Variants in COPG1 observed in about 807,000 individuals in gnomAD.
COPG1 encodes the protein coatomer subunit gamma-1.
Under a neutral mutation model 102.8 loss-of-function variants are expected in COPG1, and 29 were observed. The ratio of observed to expected loss-of-function variants is 0.28; its 90% CI spans 0.21 to 0.38. The LOEUF is 0.38. Ranked by LOEUF, COPG1 falls within the 10% of genes least tolerant of loss-of-function variation. COPG1 has a pLI of 1.00. For synonymous variants in COPG1, 406 were observed against 421.6 expected, an observed-to-expected ratio of 0.96 and a Z score of 0.45; for missense variants, 875 against 1,132.7, an observed-to-expected ratio of 0.77 and a Z score of 3.27.
Position 129,275,404 on chromosome 3 carries a change from T to A in COPG1, c.2494+112T>A. The A allele has an allele frequency of 1.3e-6, 1 of 745,982 alleles. No individual in the cohort carries two copies. Among genetic ancestry groups the A allele is most frequent in the Non-Finnish European group, 2.2e-6 (1 of 447,516 alleles). 46.2% of individuals were successfully genotyped at this position (745,982 alleles called of 1,614,324 possible). On this transcript the variant is annotated intron_variant, in intron 23 of 23. Transcript: ENST00000314797. The surrounding 1 kb of genome is among the most constrained non-coding windows in gnomAD (Gnocchi z 5.0). The stretch of plus-strand genomic sequence containing the variant: ...ATGGGGAGTCAAAATTCACAGCATT[T>A]AAAATTCACAAAGTATAAAATAATC...
chr3:129,276,594 C>A (rs2107680571), intron 23 of COPG1, among the ~76,000 whole-genome samples: 1 of 152,300 alleles, frequency 6.6e-6, no homozygotes, highest in African/African-American at 2.4e-5. Context: ...TTGAAACAAC[C>A]TAGTCCCCTG....
intron 19 of COPG1, 50 bp from the exon 20 acceptor site, chr3:129,272,194 A>G (rs772171392): frequency 1.9e-6 from 3 of 1,544,014 alleles, no homozygotes; most frequent in South Asian, 2.3e-5. Flanking sequence ...CCTCTGCAGC[A>G]TGGCTCGGAC....
At chr3:129,262,000 G>A (rs919143132) in intron 12 of COPG1, among the ~76,000 whole-genome samples, 1 of 152,168 alleles carries the variant, frequency 6.6e-6, no homozygotes, top group Non-Finnish European at 1.5e-5. Context: ...ACAATAATAT[G>A]AATAATATAT....
At chr3:129,276,823 C>CTTTTTTTTTT (rs34883126) in intron 23 of COPG1, among the ~76,000 whole-genome samples, 2 of 129,936 alleles carry the variant, frequency 1.5e-5, no homozygotes, top group African/African-American at 6.0e-5. Context: ...CAGTGACTTT[C>CTTTTTTTTTT]TTTTTTTTTT....
Position 129,268,741 on chromosome 3 carries a change from A to G in COPG1, c.1774+121A>G, listed in dbSNP as rs935101314. The stretch of plus-strand genomic sequence containing the variant: ...GCAGTTATGCTGGGAGGAGGAAATG[A>G]TCTTTTCCACCTCTGGCTCCAGAAA... On this transcript the variant is annotated intron_variant, in intron 17 of 23. Coordinates refer to ENST00000314797, the MANE Select transcript of COPG1 (RefSeq NM_016128.4). 2.4e-5 allele frequency: 31 copies of G among 1,283,718 alleles called. No individual in the cohort carries two copies. In the African/African-American group the frequency reaches 4.6e-4, roughly 19 times the overall value. 79.5% of individuals were successfully genotyped at this position (1,283,718 alleles called of 1,614,324 possible).
At position 129,259,285 on chromosome 3, in the gene COPG1, A is replaced by T. The variant is rs558868321; in HGVS notation, c.872-1048A>T. Among the ~76,000 whole-genome samples, 11 of 151,936 alleles carry T rather than the reference A, an allele frequency of 7.2e-5. No homozygotes were observed. In the South Asian group the frequency reaches 2.3e-3, roughly 32 times the overall value. Reference sequence around the variant, plus strand: ...AGGCCAGCCTGACCAACATGGTGAAACCCCATCTCTACTAAAAATACAAAA... The same window carrying T: ...AGGCCAGCCTGACCAACATGGTGAATCCCCATCTCTACTAAAAATACAAAA... On this transcript the variant is annotated intron_variant, in intron 10 of 23. Coordinates refer to ENST00000314797, the MANE Select transcript of COPG1 (RefSeq NM_016128.4).
At chr3:129,255,180 T>A in intron 7 of COPG1, 103 bp downstream of exon 7, 1 of 165,020 alleles carries the variant, frequency 6.1e-6, no homozygotes, top group Non-Finnish European at 1.0e-5. Flanking sequence ...TCTTTCTTTC[T>A]TTTTTTTTTT....
Position 129,265,652 on chromosome 3 carries a change from T to TCGAGGACTGCGAGTTCA in COPG1, c.1330_1346dup (p.Val450ArgfsTer49), listed in dbSNP as rs1940040454. Reference sequence around the variant, plus strand: ...GGGCTGTCACATCTGTGCGAGTTCATCGAGGACTGCGAGTTCACAGTGCTG... The same window carrying TCGAGGACTGCGAGTTCA: ...GGGCTGTCACATCTGTGCGAGTTCATCGAGGACTGCGAGTTCACGAGGACTGCGAGTTCACAGTGCTG... On this transcript the variant is annotated frameshift_variant, in exon 14 of 24. Coordinates refer to ENST00000314797, the MANE Select transcript of COPG1 (RefSeq NM_016128.4). LOFTEE classifies it high-confidence loss of function. The TCGAGGACTGCGAGTTCA allele has an allele frequency of 6.2e-7, 1 of 1,614,102 alleles. No individual in the cohort carries two copies. Among genetic ancestry groups the TCGAGGACTGCGAGTTCA allele is most frequent in the Non-Finnish European group, 8.5e-7 (1 of 1,180,048 alleles).
At position 129,263,981 on chromosome 3, in the gene COPG1, C is replaced by T. The variant is rs1253145655; in HGVS notation, c.1206C>T (p.Phe402=). 3.7e-6 allele frequency: 6 copies of T among 1,614,058 alleles called. No homozygotes were observed. In the African/African-American group the frequency reaches 8.0e-5, roughly 22 times the overall value. The change falls in exon 13 of 24, where the codon TTC becomes TTT. Residue 402 remains phenylalanine (F), a synonymous_variant. Transcript: ENST00000314797. ...ACGCCGTCCTTATGAACTTCCTGTT[C>T]ACCATGCTGCGGGAAGAGGTAAGAG... The part of the protein sequence containing the change: ...RKHAVLMNFL[F]TMLREEGGFE...
In COPG1 at chr3:129,277,284, T is replaced by C. The variant is rs1167098640; in HGVS notation, c.2495-10T>C. On this transcript the variant is annotated splice_polypyrimidine_tract_variant and intron_variant, in intron 23 of 23. Transcript: ENST00000314797. ...GCTGTATATATCTGTACTTCTCTCTTCCCTTCTAGGTGTGTTCCGGGGTGG... is the reference window on the plus strand; with the variant it reads ...GCTGTATATATCTGTACTTCTCTCTCCCCTTCTAGGTGTGTTCCGGGGTGG... The C allele has an allele frequency of 2.5e-6, 4 of 1,613,616 alleles. No homozygotes were observed. Among genetic ancestry groups the C allele is most frequent in the African/African-American group, 1.3e-5 (1 of 75,018 alleles).
chr3:129,265,476 T>G (rs886572422), intron 13 of COPG1, 73 bp from the exon 14 acceptor site: 16 of 1,557,258 alleles, frequency 1.0e-5, no homozygotes, highest in Admixed American at 1.8e-5. Context: ...ACAACTGTCC[T>G]TGGTCCAGCT....
At chr3:129,268,467 A>C (rs527760584) in intron 16 of COPG1, 28 bp from the exon 17 acceptor site, 1 of 1,610,992 alleles carries the variant, frequency 6.2e-7, no homozygotes, top group Non-Finnish European at 8.5e-7. Flanking sequence ...TCTATCTGCC[A>C]GGCATGGTGA....
chr3:129,260,219 G>T (rs990785091), intron 10 of COPG1, 114 bp from the exon 11 acceptor site: 6 of 908,632 alleles, frequency 6.6e-6, no homozygotes, highest in Non-Finnish European at 1.1e-5. Context: ...TGGGATGGGG[G>T]TGTCAGCAGG....
chr3:129,257,436 C>T (rs1182297408), intron 8 of COPG1, 34 bp from the exon 9 acceptor site: 2 of 1,612,000 alleles, frequency 1.2e-6, no homozygotes, highest in Non-Finnish European at 1.7e-6. Context: ...AAAAGTCATA[C>T]ATTTGTACTC....
intron 2 of COPG1, among the ~76,000 whole-genome samples, chr3:129,251,509 A>G (rs1426468685): frequency 6.6e-6 from 1 of 151,560 alleles, no homozygotes; most frequent in Non-Finnish European, 1.5e-5. Flanking sequence ...CAGCCTCCCA[A>G]GTAGCCGGGA....
intron 17 of COPG1, 98 bp downstream of exon 17, chr3:129,268,718 A>G: frequency 1.4e-6 from 2 of 1,413,008 alleles, no homozygotes; most frequent in South Asian, 1.3e-5. Flanking sequence ...GGTGGGTGGC[A>G]GTTATGCTGG....
rs146612737 is a variant in COPG1 at position 129,270,474 on chromosome 3, C to A, written c.1844-1293C>A. 7.6e-3 allele frequency among the ~76,000 whole-genome samples: 1,164 copies of A among 152,204 alleles called. 15 individuals carry two copies. The highest frequency in any genetic ancestry group is 0.026 in the African/African-American group (1,080 of 41,526). ...CTGAAACCCTACCAACAGAATCCCC[C>A]AGGGAGTAAGTATCAGGCCCAAAAC... On this transcript the variant is annotated intron_variant, in intron 18 of 23. Transcript: ENST00000314797.
rs554226410 is a variant in COPG1, at chr3:129,252,070, C to G, written c.91-211C>G. On this transcript the variant is annotated intron_variant, in intron 2 of 23. Coordinates refer to ENST00000314797, the MANE Select transcript of COPG1 (RefSeq NM_016128.4). ...GTATCTGCTAGTCAATAGGTTAGCA[C>G]ATCCCTAACTAATATTTACACGAGA... 9.8e-5 allele frequency among the ~76,000 whole-genome samples: 15 copies of G among 152,340 alleles called. No individual in the cohort carries two copies. The South Asian group carries it at 3.1e-3, about 32-fold the overall frequency.
chr3:129,272,343 C>T lies in COPG1; in HGVS notation c.2086C>T (p.Arg696Trp), dbSNP rs372761870. The part of the protein sequence containing the change: ...AYEVLCYVPA[R>W]SLPYNQPGTC... ...TGAGGTGCTCTGTTACGTGCCTGCC[C>T]GGAGCCTGCCCTACAACCAGCCCGG... The change falls in exon 20 of 24, where the codon CGG (arginine) becomes TGG (tryptophan). Residue 696 changes from arginine (R) to tryptophan (W), a missense_variant. Physicochemically the swap from Arg to Trp is moderately radical, Grantham distance 101. Coordinates refer to ENST00000314797, the MANE Select transcript of COPG1 (RefSeq NM_016128.4). 39 of 1,614,054 alleles carry T rather than the reference C, an allele frequency of 2.4e-5. No homozygotes were observed. The highest frequency in any genetic ancestry group is 6.7e-5 in the African/African-American group (5 of 75,008).
Sources: gnomAD v4.1 joint callset for allele counts (sites outside exome capture counted in the v4.1 genomes callset) on GRCh38, gnomAD v4.1.1 for gene constraint, Gnocchi (gnomAD v3.1) non-coding constraint, MANE v1.5 for transcripts, NCBI Gene and HGNC (gene_info 2026-07-23, HGNC 2026-07-21) for gene names.